The following NAV3 variants were observed in gnomAD, a reference collection of about 807,000 sequenced individuals.
NAV3 encodes pore membrane and/or filament interacting like protein 1.
Under a neutral mutation model 244.7 loss-of-function variants are expected in NAV3, and 87 were observed. The observed-to-expected ratio is 0.36, with a 90% CI of 0.30 to 0.42. The LOEUF (loss-of-function observed/expected upper bound fraction) is 0.42, where lower values mean the gene tolerates loss of function less well. NAV3 is among the 20% of genes least tolerant of loss of function. The pLI, the probability that NAV3 is intolerant of heterozygous loss-of-function variation, is 1.00. For synonymous variants in NAV3, 1,126 were observed against 1,042.2 expected (o/e 1.08, Z -1.55); for missense variants, 2,663 against 2,893.3 (o/e 0.92, Z 1.83).
chr12:78,161,107 T>A (rs1294442880), intron 23 of NAV3, among the ~76,000 whole-genome samples: 3 of 152,090 alleles, frequency 2.0e-5, no homozygotes, highest in Admixed American at 6.6e-5. Flanking sequence ...TGAATGAGAA[T>A]TCTGGCTATG....
intron 18 of NAV3, among the ~76,000 whole-genome samples, chr12:78,134,640 A>G (rs1330913882): frequency 1.3e-5 from 2 of 152,194 alleles, no homozygotes; most frequent in Non-Finnish European, 2.9e-5. Flanking sequence ...TAATACCAGC[A>G]GCACTCAGGA....
chr12:78,197,978 A>G (rs922833449), intron 35 of NAV3, among the ~76,000 whole-genome samples: 1 of 151,854 alleles, frequency 6.6e-6, no homozygotes, highest in Non-Finnish European at 1.5e-5. Flanking sequence ...CCCTCTATTA[A>G]TGAGTATGAT....
In NAV3 at chr12:78,051,290, G is replaced by C. The variant is rs966538492; in HGVS notation, c.2516+143G>C. The C allele has an allele frequency of 5.0e-5, 43 of 857,758 alleles. No individual in the cohort carries two copies. The African/African-American group carries it at 6.2e-4, about 12-fold the overall frequency. 53.1% of individuals were successfully genotyped at this position (857,758 alleles called of 1,614,324 possible). On this transcript the variant is annotated intron_variant, in intron 11 of 39. Transcript: ENST00000397909. ...TCTGAGGTTATTCAGAGTGTTGAAGGGCCCTTCCTCTGCTCATTCATGGAG... is the reference window on the plus strand; with the variant it reads ...TCTGAGGTTATTCAGAGTGTTGAAGCGCCCTTCCTCTGCTCATTCATGGAG...
chr12:77,929,238 A>G (rs1888533295), intron 1 of NAV3, among the ~76,000 whole-genome samples: 1 of 152,218 alleles, frequency 6.6e-6, no homozygotes, highest in Admixed American at 6.5e-5. Flanking sequence ...AACTAAAATC[A>G]AACCGTTTTA....
rs2138692624 is a variant in NAV3 at position 78,122,180 on chromosome 12, C to G, written c.3990C>G (p.Ala1330=). ...TTATAAGCTTAAGTCACTCGTTGGC[C>G]TCCAGCCCAGCATCGGTTCACTCTT... ...TDVISLSHSL[A]SSPASVHSFT... Residue 1330 remains alanine, a synonymous_variant, in exon 16 of 40, where the codon GCC becomes GCG. Transcript: ENST00000397909. 1.2e-6 allele frequency: 2 copies of G among 1,614,112 alleles called. No homozygotes were observed. Among genetic ancestry groups the G allele is most frequent in the Non-Finnish European group, 1.7e-6 (2 of 1,180,020 alleles).
intron 2 of NAV3, among the ~76,000 whole-genome samples, chr12:77,595,804 A>G (rs1750611530): frequency 6.6e-6 from 1 of 152,206 alleles, no homozygotes; most frequent in Non-Finnish European, 1.5e-5. Context: ...GCAAAAATTT[A>G]TAAAGAAATA....
At chr12:78,135,760 A>G (rs1312668796) in intron 18 of NAV3, among the ~76,000 whole-genome samples, 1 of 152,182 alleles carries the variant, frequency 6.6e-6, no homozygotes, top group Non-Finnish European at 1.5e-5. Flanking sequence ...ACTAATGGTC[A>G]CTGCAGGCTG....
intron 2 of NAV3, among the ~76,000 whole-genome samples, chr12:77,786,301 A>C (rs2135930552): frequency 6.6e-6 from 1 of 152,228 alleles, no homozygotes; most frequent in African/African-American, 2.4e-5. Flanking sequence ...TTTTTTTCCT[A>C]AAACTTGATG....
intron 2 of NAV3, among the ~76,000 whole-genome samples, chr12:77,696,536 C>T (rs770530): frequency 0.87 from 131,864 of 152,078 alleles, 58,234 homozygotes; most frequent in East Asian, 1. Context: ...TTTGGAGAGA[C>T]CATGAAGCAG....
In NAV3 at chr12:77,940,357, A is replaced by C. The variant is rs1889749858; in HGVS notation, c.282A>C (p.Ser94=). Residue 94 remains serine (S), a synonymous_variant, in exon 2 of 40, where the codon TCA becomes TCC. Coordinates refer to ENST00000397909, the MANE Select transcript of NAV3 (RefSeq NM_001024383.2). ...GGGCCAACCACTACCTAGCAAAATC[A>C]GGCCACAAGCGGCTGATCAAGGACT... is the stretch of plus-strand genomic sequence containing the variant. ...TDWANHYLAK[S]GHKRLIKDLQ... 1.2e-6 allele frequency: 2 copies of C among 1,613,792 alleles called. No homozygotes were observed. Among genetic ancestry groups the C allele is most frequent in the Admixed American group, 3.3e-5 (2 of 59,998 alleles).
chr12:77,698,790 C>G (rs1875427738), intron 2 of NAV3, among the ~76,000 whole-genome samples: 1 of 152,076 alleles, frequency 6.6e-6, no homozygotes. Flanking sequence ...TATTGATGTT[C>G]AAGCCCTAAC....
chr12:78,069,625 C>A (rs73350627), intron 12 of NAV3, among the ~76,000 whole-genome samples: 9,005 of 151,966 alleles, frequency 0.059, 599 homozygotes, highest in African/African-American at 0.17. Context: ...ATCTAAAGAG[C>A]TAGTGCAATA....
intron 2 of NAV3, among the ~76,000 whole-genome samples, chr12:77,766,970 T>C (rs1291536019): frequency 6.6e-6 from 1 of 151,982 alleles, no homozygotes; most frequent in Non-Finnish European, 1.5e-5. Context: ...GCCAGACTAG[T>C]CTCAAACTCC....
intron 2 of NAV3, among the ~76,000 whole-genome samples, chr12:77,739,962 TATA>T (rs1045881434): frequency 6.6e-6 from 1 of 152,192 alleles, no homozygotes; most frequent in Non-Finnish European, 1.5e-5. Flanking sequence ...TAAATTGAAT[TATA>T]ATACAAAGTG....
At chr12:77,580,678 T>A (rs1373323529) in intron 2 of NAV3, among the ~76,000 whole-genome samples, 2 of 152,224 alleles carry the variant, frequency 1.3e-5, no homozygotes, top group Non-Finnish European at 2.9e-5. Context: ...GAGTTTTGTT[T>A]CTATTTTCAA....
chr12:78,146,403 AAT>A lies in NAV3; in HGVS notation c.4707+14_4707+15del, dbSNP rs575921205. On this transcript the variant is annotated intron_variant, in intron 21 of 39. Transcript: ENST00000397909. The stretch of plus-strand genomic sequence containing the variant: ...AAGGCTCATTCAGAGGTAAAAAAAA[AAT>A]ATGCAATATTTTAATATTTTCTATT... 473 of 1,074,638 alleles carry A rather than the reference AAT, an allele frequency of 4.4e-4. 1 individual carries two copies. The African/African-American group carries it at 6.1e-3, about 14-fold the overall frequency. The allele number at this position is 1,074,638 out of a possible 1,614,324, so 66.6% of individuals were successfully genotyped here. A position where few individuals can be genotyped will look rare whatever the true frequency, so the allele number is the denominator to read the frequency against.
Position 78,197,320 on chromosome 12 carries a change from T to C in NAV3, c.6365T>C (p.Val2122Ala). The change falls in exon 35 of 40, where the codon GTA (valine) becomes GCA (alanine). Residue 2122 changes from valine to alanine, a missense_variant. Physicochemically the swap from Val to Ala is moderately conservative, Grantham distance 64. Around this residue, in one of 6 missense-constraint regions of NAV3, gnomAD observed 543 missense variants for 672.4 expected, o/e 0.81. Transcript: ENST00000397909. ...ADNNGVELPV[V>A]IILDNLHHVG... ...AATAATGGAGTGGAGCTCCCAGTTG[T>C]AATAATTCTTGATAATCTTCATCAT... 5.0e-6 allele frequency: 8 copies of C among 1,609,316 alleles called. No individual in the cohort carries two copies. The highest frequency in any genetic ancestry group is 6.8e-6 in the Non-Finnish European group (8 of 1,177,112).
chr12:77,784,369 A>C (rs751973439), intron 2 of NAV3, among the ~76,000 whole-genome samples: 1 of 152,202 alleles, frequency 6.6e-6, no homozygotes, highest in East Asian at 1.9e-4. Context: ...CATCAAAGTC[A>C]TGTAGAATGT....
chr12:77,868,491 C>T (rs1045692910), intron 1 of NAV3, among the ~76,000 whole-genome samples: 3 of 151,984 alleles, frequency 2.0e-5, no homozygotes, highest in African/African-American at 2.4e-5. Flanking sequence ...TATTATGGCT[C>T]GCACCTGCAA....
Sources: gnomAD v4.1 joint callset for allele counts (sites outside exome capture counted in the v4.1 genomes callset) on GRCh38, gnomAD v4.1.1 for gene constraint, gnomAD v4.1.1 regional missense constraint, MANE v1.5 for transcripts, NCBI Gene and HGNC (gene_info 2026-07-23, HGNC 2026-07-21) for gene names.